The following KIF11 variants were observed in gnomAD, a reference collection of about 807,000 sequenced individuals.
KIF11 encodes kinesin family member 11, also known as kinesin-like protein KIF11.
Under a neutral mutation model 121.0 loss-of-function variants are expected in KIF11, and 9 were observed. The ratio of observed to expected loss-of-function variants is 0.07; its 90% CI spans 0.04 to 0.13. KIF11 has a LOEUF of 0.13. Ranked by LOEUF, KIF11 falls within the 10% of genes least tolerant of loss-of-function variation. KIF11 has a pLI of 1.00. For missense variants in KIF11, 846 were observed against 1,217.5 expected, an observed-to-expected ratio of 0.69 and a Z score of 4.54; for synonymous variants, 408 against 421.0, an observed-to-expected ratio of 0.97 and a Z score of 0.38.
At chr10:92,650,594 G>A in intron 21 of KIF11, 77 bp downstream of exon 21, 1 of 848,818 alleles carries the variant, frequency 1.2e-6, no homozygotes, top group South Asian at 1.4e-5. Context: ...TATTGTTCGT[G>A]GTGAGCAGAA....
chr10:92,603,365 A>T (rs1029286459), intron 1 of KIF11, among the ~76,000 whole-genome samples: 1 of 138,670 alleles, frequency 7.2e-6, no homozygotes. Flanking sequence ...TCAGCCTCCC[A>T]AGTAGCTGGG....
intron 21 of KIF11, among the ~76,000 whole-genome samples, chr10:92,651,039 CTCT>C (rs199664413): frequency 0.016 from 2,461 of 152,104 alleles, 37 homozygotes; most frequent in Middle Eastern, 0.024. Context: ...CTCCTACCCA[CTCT>C]TCTTTTTTTT....
chr10:92,619,040 G>A (rs1308609326), intron 9 of KIF11, among the ~76,000 whole-genome samples: 1 of 151,036 alleles, frequency 6.6e-6, no homozygotes, highest in Non-Finnish European at 1.5e-5. Context: ...ATTTTGAGAT[G>A]GAGTCTCACT....
intron 16 of KIF11, among the ~76,000 whole-genome samples, chr10:92,638,293 A>G (rs1186368738): frequency 6.6e-6 from 1 of 152,162 alleles, no homozygotes; most frequent in Non-Finnish European, 1.5e-5. Context: ...CAGATTTTTA[A>G]TGAGGAAACT....
chr10:92,593,942 A>G (rs757388361), intron 1 of KIF11, among the ~76,000 whole-genome samples: 3 of 152,206 alleles, frequency 2.0e-5, no homozygotes, highest in Non-Finnish European at 4.4e-5. Context: ...TAAAAGATCA[A>G]GACAAGTTAA....
chr10:92,604,023 A>G (rs753685216), intron 1 of KIF11, among the ~76,000 whole-genome samples: 3 of 152,196 alleles, frequency 2.0e-5, no homozygotes, highest in Non-Finnish European at 4.4e-5. Flanking sequence ...TCCACAGGAT[A>G]GGACTTAGGT....
intron 18 of KIF11, among the ~76,000 whole-genome samples, chr10:92,646,695 T>C (rs1199760527): frequency 6.6e-6 from 1 of 152,164 alleles, no homozygotes; most frequent in Non-Finnish European, 1.5e-5. Context: ...ATGGCCATAA[T>C]GGATTAAAAC....
At chr10:92,653,601 G>C (rs911445614) in intron 21 of KIF11, 64 bp from the exon 22 acceptor site, 18 of 1,438,266 alleles carry the variant, frequency 1.3e-5, no homozygotes, top group Non-Finnish European at 1.7e-5. Context: ...TGAAAATAGA[G>C]TGTAGTTAAT....
At position 92,593,391 on chromosome 10, in the gene KIF11, A is replaced by G. The variant is rs1285620374; in HGVS notation, c.16A>G (p.Asn6Asp). The G allele has an allele frequency of 1.2e-6, 2 of 1,609,950 alleles. No homozygotes were observed. Among genetic ancestry groups the G allele is most frequent in the Middle Eastern group, 1.7e-4 (1 of 5,962 alleles). Residue 6 changes from asparagine (N) to aspartate (D), a missense_variant, in exon 1 of 22, where the codon AAT becomes GAT. Asn to Asp is a conservative substitution (Grantham distance 23, BLOSUM62 1). Transcript: ENST00000260731. ...GGGGACCGTCATGGCGTCGCAGCCA[A>G]ATTCGTCTGCGAAGAAGAAAGAGGA... MASQP[N>D]SSAKKKEEKG... is the part of the protein sequence containing the mutation.
Position 92,606,640 on chromosome 10 carries a change from C to A in KIF11, c.232C>A (p.Gln78Lys). The A allele has an allele frequency of 6.3e-7, 1 of 1,576,698 alleles. No homozygotes were observed. Among genetic ancestry groups the A allele is most frequent in the Non-Finnish European group, 8.7e-7 (1 of 1,148,382 alleles). Residue 78 changes from glutamine (Q) to lysine (K), a missense_variant, in exon 3 of 22, where the codon CAG (glutamine) becomes AAG (lysine). Gln to Lys is a moderately conservative substitution (Grantham distance 53). Coordinates refer to ENST00000260731, the MANE Select transcript of KIF11 (RefSeq NM_004523.4). ...TTAGGTGTTTGGAGCATCTACTAAACAGATTGATGTTTACCGAAGTGTTGT... is the reference window on the plus strand; with the variant it reads ...TTAGGTGTTTGGAGCATCTACTAAAAAGATTGATGTTTACCGAAGTGTTGT... ...FDMVFGASTK[Q>K]IDVYRSVVCP... is the part of the protein sequence containing the mutation.
At chr10:92,611,767 C>T (rs1003980049) in intron 6 of KIF11, among the ~76,000 whole-genome samples, 11 of 151,930 alleles carry the variant, frequency 7.2e-5, no homozygotes, top group Non-Finnish European at 1.6e-4. Context: ...GGTGTGGTGG[C>T]GTGTGCCTGT....
Position 92,593,458 on chromosome 10 carries a change from G to GA in KIF11, c.77+7dup. 2 of 1,607,552 alleles carry GA rather than the reference G, an allele frequency of 1.2e-6. No individual in the cohort carries two copies. Among genetic ancestry groups the GA allele is most frequent in the Non-Finnish European group, 1.7e-6 (2 of 1,177,316 alleles). The stretch of plus-strand genomic sequence containing the variant: ...CAGGTGGTGGTGAGATGCAGGTAGG[G>GA]AGAGGGCTGACAGGATTCCGAGCGC... On this transcript the variant is annotated splice_region_variant and intron_variant, in intron 1 of 21. Coordinates refer to ENST00000260731, the MANE Select transcript of KIF11 (RefSeq NM_004523.4).
chr10:92,612,840 G>A (rs985092639), intron 6 of KIF11, among the ~76,000 whole-genome samples, 200 bp from the exon 7 acceptor site: 1 of 152,122 alleles, frequency 6.6e-6, no homozygotes, highest in Non-Finnish European at 1.5e-5. Context: ...CTCTTTTGCA[G>A]GCAGTAGATA....
At chr10:92,611,880 TAA>T (rs1180613065) in intron 6 of KIF11, among the ~76,000 whole-genome samples, 1 of 152,084 alleles carries the variant, frequency 6.6e-6, no homozygotes, top group Non-Finnish European at 1.5e-5. Flanking sequence ...GCCTGGGCAA[TAA>T]GTCTCAAATA....
chr10:92,631,866 G>T (rs1844742561), intron 12 of KIF11, among the ~76,000 whole-genome samples: 1 of 151,888 alleles, frequency 6.6e-6, no homozygotes, highest in Admixed American at 6.6e-5. Flanking sequence ...GTAGAGACTG[G>T]GTTTCACCAT....
intron 8 of KIF11, 39 bp from the exon 9 acceptor site, chr10:92,616,698 A>G (rs1393922142): frequency 3.9e-6 from 4 of 1,027,320 alleles, no homozygotes; most frequent in Non-Finnish European, 6.1e-6. Context: ...CATTATTCTC[A>G]CAATATCTTC....
intron 17 of KIF11, among the ~76,000 whole-genome samples, chr10:92,641,111 A>G (rs1002366733): frequency 6.6e-6 from 1 of 152,130 alleles, no homozygotes; most frequent in African/African-American, 2.4e-5. Flanking sequence ...CTTAACATAC[A>G]CTACAGTCAG....
chr10:92,644,281 C>T (rs1844897261), intron 17 of KIF11, among the ~76,000 whole-genome samples: 1 of 152,086 alleles, frequency 6.6e-6, no homozygotes, highest in Admixed American at 6.6e-5. Context: ...GTACTTTTAA[C>T]TCAATCTCGT....
chr10:92,637,629 CAATCTGAATA>C, intron 16 of KIF11, 84 bp downstream of exon 16: 2 of 1,326,716 alleles, frequency 1.5e-6, no homozygotes, highest in Non-Finnish European at 2.1e-6. Flanking sequence ...CTATGTTACA[CAATCTGAATA>C]CTGTAAAAGC....
Sources: gnomAD v4.1 joint callset for allele counts (sites outside exome capture counted in the v4.1 genomes callset) on GRCh38, gnomAD v4.1.1 for gene constraint, MANE v1.5 for transcripts, NCBI Gene and HGNC (gene_info 2026-07-23, HGNC 2026-07-21) for gene names.